Variants in FAT3 observed in about 807,000 individuals in gnomAD.
The protein encoded by FAT3 is FAT atypical cadherin 3, also known as protocadherin Fat 3.
FAT3 carries 95 observed loss-of-function variants against 310.2 expected under a neutral mutation model. The ratio of observed to expected loss-of-function variants is 0.31; its 90% CI spans 0.26 to 0.36. FAT3 has a LOEUF of 0.36. FAT3 is among the 10% of genes least tolerant of loss of function. The pLI is 1.00. For synonymous variants in FAT3, 2,314 were observed against 2,192.9 expected (o/e 1.06, Z -1.54); for missense variants, 5,408 against 5,715.6 (o/e 0.95, Z 1.74).
chr11:92,784,889 C>T (rs753864729), intron 7 of FAT3, among the ~76,000 whole-genome samples: 3 of 151,864 alleles, frequency 2.0e-5, no homozygotes, highest in Non-Finnish European at 4.4e-5. Flanking sequence ...AAGGCTTTTT[C>T]CTCCCATTAA....
Position 92,798,601 on chromosome 11 carries a change from CAG to C in FAT3, c.5593_5594del (p.Pro1866ArgfsTer2). 6.2e-7 allele frequency: 1 copy of C among 1,613,828 alleles called. No individual in the cohort carries two copies. On this transcript the variant is annotated frameshift_variant, in exon 10 of 28. Transcript: ENST00000525166. LOFTEE classifies it high-confidence loss of function. ...GACAGTGGTAGCCCCCAACTGACTGCAGAGAGTCCCGTTGAAGTCAACATTGA... is the reference window on the plus strand; with the variant it reads ...GACAGTGGTAGCCCCCAACTGACTGCAGAGTCCCGTTGAAGTCAACATTGA...
chr11:92,801,776 A>T lies in FAT3; in HGVS notation c.8763A>T (p.Ala2921=). 6.2e-7 allele frequency: 1 copy of T among 1,613,904 alleles called. No individual in the cohort carries two copies. Among genetic ancestry groups the T allele is most frequent in the Non-Finnish European group, 8.5e-7 (1 of 1,179,860 alleles). The change falls in exon 10 of 28, where the codon GCA becomes GCT. Residue 2921 remains alanine, a synonymous_variant. Coordinates refer to ENST00000525166, the MANE Select transcript of FAT3 (RefSeq NM_001367949.2). The stretch of plus-strand genomic sequence containing the variant: ...GAGTGACAGATATAAATGACAATGC[A>T]CCAGTCTTCGCGCAGGAAGTGTACC... ...SVRVTDINDN[A]PVFAQEVYRG...
At chr11:92,435,782 G>A (rs1418461014) in intron 2 of FAT3, among the ~76,000 whole-genome samples, 4 of 151,910 alleles carry the variant, frequency 2.6e-5, no homozygotes, top group Non-Finnish European at 5.9e-5. Context: ...GGCCAAGCTG[G>A]TCTTGAACTC....
chr11:92,420,204 C>T (rs1409476895), intron 2 of FAT3, among the ~76,000 whole-genome samples: 1 of 152,210 alleles, frequency 6.6e-6, no homozygotes, highest in Non-Finnish European at 1.5e-5. Context: ...TGACTCTTTA[C>T]AGAAAAACTT....
intron 3 of FAT3, among the ~76,000 whole-genome samples, chr11:92,606,614 CT>C (rs1940311241): frequency 6.6e-6 from 1 of 152,156 alleles, no homozygotes; most frequent in Non-Finnish European, 1.5e-5. Flanking sequence ...GTCAGTCATT[CT>C]GCTAACTTTT....
chr11:92,513,819 C>T (rs547461645), intron 2 of FAT3, among the ~76,000 whole-genome samples: 1 of 152,018 alleles, frequency 6.6e-6, no homozygotes, highest in Admixed American at 6.6e-5. Context: ...AATAATTATC[C>T]CAGCAGGATG....
intron 1 of FAT3, among the ~76,000 whole-genome samples, chr11:92,255,966 T>C (rs1865300527): frequency 1.3e-5 from 2 of 152,250 alleles, no homozygotes; most frequent in South Asian, 4.2e-4. Flanking sequence ...ATCTACCCCA[T>C]GACACAGAAA....
chr11:92,478,944 C>T (rs79725535), intron 2 of FAT3, among the ~76,000 whole-genome samples: 7 of 74,472 alleles, frequency 9.4e-5, no homozygotes, highest in African/African-American at 3.4e-4. Flanking sequence ...CTCTTTCTTT[C>T]TTTCTTTCTT....
At chr11:92,683,933 T>C (rs955582930) in intron 3 of FAT3, among the ~76,000 whole-genome samples, 3 of 152,188 alleles carry the variant, frequency 2.0e-5, no homozygotes, top group Non-Finnish European at 4.4e-5. Context: ...TCTTGTTGAG[T>C]GGATGCTAAA....
intron 3 of FAT3, among the ~76,000 whole-genome samples, chr11:92,527,532 A>G (rs1450492683): frequency 3.3e-5 from 5 of 152,172 alleles, no homozygotes; most frequent in Non-Finnish European, 7.4e-5. Flanking sequence ...GAATGTCATC[A>G]TGATGTGTTT....
intron 4 of FAT3, among the ~76,000 whole-genome samples, chr11:92,721,654 T>C (rs1366301805): frequency 1.3e-5 from 2 of 152,194 alleles, no homozygotes; most frequent in African/African-American, 4.8e-5. Context: ...TGTTGTATCC[T>C]TGATGCTCAT....
At chr11:92,390,773 TG>T (rs1480731576) in intron 2 of FAT3, among the ~76,000 whole-genome samples, 2 of 152,054 alleles carry the variant, frequency 1.3e-5, no homozygotes, top group Non-Finnish European at 2.9e-5. Context: ...CCTCCAGGAA[TG>T]GGTAGAAGCT....
chr11:92,475,956 C>G (rs1443904532), intron 2 of FAT3, among the ~76,000 whole-genome samples: 1 of 151,966 alleles, frequency 6.6e-6, no homozygotes, highest in Non-Finnish European at 1.5e-5. Flanking sequence ...TAATGTGGAG[C>G]AAAGGAAGAA....
intron 24 of FAT3, chr11:92,886,720 G>T: frequency 2.5e-6 from 1 of 394,406 alleles, no homozygotes. Flanking sequence ...TCTTCACTCA[G>T]TTGCTTCACT....
chr11:92,641,319 A>G (rs1439650863), intron 3 of FAT3, among the ~76,000 whole-genome samples: 1 of 152,228 alleles, frequency 6.6e-6, no homozygotes, highest in Non-Finnish European at 1.5e-5. Flanking sequence ...CTGCATAATT[A>G]TAAATGTACT....
intron 2 of FAT3, among the ~76,000 whole-genome samples, chr11:92,421,633 A>G (rs1950535483): frequency 6.6e-6 from 1 of 152,202 alleles, no homozygotes; most frequent in Admixed American, 6.5e-5. Context: ...TTTCTGAAAT[A>G]TTGTCTTTTG....
At chr11:92,825,283 T>A (rs1227574254) in intron 13 of FAT3, among the ~76,000 whole-genome samples, 1 of 152,210 alleles carries the variant, frequency 6.6e-6, no homozygotes, top group East Asian at 1.9e-4. Flanking sequence ...TGCCAGGGTC[T>A]GTGCTCAGTA....
chr11:92,740,846 T>G (rs1591670024), intron 4 of FAT3, among the ~76,000 whole-genome samples: 1 of 152,136 alleles, frequency 6.6e-6, no homozygotes, highest in East Asian at 1.9e-4. Context: ...GATTGGTCAG[T>G]TTTATATTTT....
chr11:92,271,312 T>C (rs1301608534), intron 1 of FAT3, among the ~76,000 whole-genome samples: 1 of 152,080 alleles, frequency 6.6e-6, no homozygotes, highest in Non-Finnish European at 1.5e-5. Flanking sequence ...CTCTGGACCT[T>C]AACCCTCCCC....
Sources: allele counts gnomAD v4.1 joint callset (sites outside exome capture counted in the v4.1 genomes callset), GRCh38; gene constraint gnomAD v4.1.1; transcripts MANE v1.5; gene names NCBI Gene and HGNC (gene_info 2026-07-23, HGNC 2026-07-21).